The following SKP1 variants were observed in gnomAD, a reference collection of about 807,000 sequenced individuals.
The protein encoded by SKP1 is S-phase kinase associated protein 1, also known as S-phase kinase-associated protein 1.
Under a neutral mutation model 21.5 loss-of-function variants are expected in SKP1, and 1 was observed. The ratio of observed to expected loss-of-function variants is 0.05; its 90% CI spans 0.02 to 0.22. SKP1 has a LOEUF of 0.22. Ranked by LOEUF, SKP1 falls within the 10% of genes least tolerant of loss-of-function variation. SKP1 has a pLI of 1.00. For synonymous variants in SKP1, 59 were observed against 59.3 expected, an observed-to-expected ratio of 0.99 and a Z score of 0.03; for missense variants, 70 against 192.0, an observed-to-expected ratio of 0.36 and a Z score of 3.76.
intron 3 of SKP1, among the ~76,000 whole-genome samples, chr5:134,164,851 G>A (rs1256042430): frequency 1.3e-5 from 2 of 152,116 alleles, no homozygotes; most frequent in Non-Finnish European, 2.9e-5. Flanking sequence ...TTTGTTATGT[G>A]TATTTTACCA....
rs781011580 is a variant in SKP1, at chr5:134,156,503, G to C, written c.*1230C>G. 1 of 152,032 alleles carries C rather than the reference G, an allele frequency of 6.6e-6. No individual in the cohort carries two copies. Among genetic ancestry groups the C allele is most frequent in the Non-Finnish European group, 1.5e-5 (1 of 68,004 alleles). The allele number at this position is 152,032 out of a possible 1,614,324, so 9.4% of individuals were successfully genotyped here. On this transcript the variant is annotated 3_prime_UTR_variant, in exon 6 of 6. Transcript: ENST00000353411. Reference sequence around the variant, plus strand: ...ATGATCTGAGCCTGAACAACTCAGTGAATGTGAAGAGAAAACAAGATTACA... The same window carrying C: ...ATGATCTGAGCCTGAACAACTCAGTCAATGTGAAGAGAAAACAAGATTACA...
At chr5:134,168,471 G>C (rs1761376062) in intron 2 of SKP1, among the ~76,000 whole-genome samples, 1 of 151,946 alleles carries the variant, frequency 6.6e-6, no homozygotes, top group Non-Finnish European at 1.5e-5. Flanking sequence ...TTTTAAAGTA[G>C]GTTAAAAAAG....
chr5:134,149,948 C>G lies in SKP1; in HGVS notation c.*7785G>C, dbSNP rs1308889706. On this transcript the variant is annotated 3_prime_UTR_variant, in exon 6 of 6. Coordinates refer to ENST00000353411, the MANE Select transcript of SKP1 (RefSeq NM_170679.3). ...CCAGAGGGTGACTTGAGATTGCAAC[C>G]TCAAGTTCAACTGCTAATACCACAC... 1 of 152,056 alleles carries G rather than the reference C, an allele frequency of 6.6e-6. No homozygotes were observed. Among genetic ancestry groups the G allele is most frequent in the Non-Finnish European group, 1.5e-5 (1 of 68,034 alleles). 9.4% of individuals were successfully genotyped at this position (152,056 alleles called of 1,614,324 possible).
At chr5:134,174,377 A>T in intron 1 of SKP1, 2 of 406,598 alleles carry the variant, frequency 4.9e-6, no homozygotes, top group Non-Finnish European at 6.9e-6. Flanking sequence ...TGCCACAATT[A>T]ACTACATGCG....
chr5:134,164,322 GAAAAAAAAAA>G (rs55637997), intron 3 of SKP1, among the ~76,000 whole-genome samples: 30 of 122,120 alleles, frequency 2.5e-4, no homozygotes, highest in Admixed American at 6.9e-4. Context: ...TCCATCTCAA[GAAAAAAAAAA>G]AAAAAAAAAA....
At chr5:134,165,148 A>G (rs1224098567) in intron 3 of SKP1, among the ~76,000 whole-genome samples, 1 of 152,082 alleles carries the variant, frequency 6.6e-6, no homozygotes, top group African/African-American at 2.4e-5. Context: ...AAGTTCTGAA[A>G]ATGCTTAGTG....
At chr5:134,158,921 A>C (rs1403104784) in intron 4 of SKP1, among the ~76,000 whole-genome samples, 1 of 152,256 alleles carries the variant, frequency 6.6e-6, no homozygotes, top group Non-Finnish European at 1.5e-5. Context: ...GTCCACACTT[A>C]AAGAGTTCAA....
Position 134,157,708 on chromosome 5 carries a change from G to GT in SKP1, c.*24dup. On this transcript the variant is annotated 3_prime_UTR_variant, in exon 6 of 6. Transcript: ENST00000353411. ...ACTAGTATTTGGAACAATCCTTACA[G>GT]TGTTACAGTGTCAGGCACAACATTT... The GT allele has an allele frequency of 1.1e-5, 17 of 1,576,034 alleles. No homozygotes were observed. The highest frequency in any genetic ancestry group is 1.4e-5 in the Non-Finnish European group (16 of 1,145,788).
At chr5:134,166,697 A>G (rs1761339661) in intron 3 of SKP1, among the ~76,000 whole-genome samples, 1 of 152,130 alleles carries the variant, frequency 6.6e-6, no homozygotes, top group African/African-American at 2.4e-5. Context: ...ACTGGAATAG[A>G]TAAGGACAGA....
chr5:134,158,767 T>C (rs1029598492), intron 4 of SKP1, 172 bp from the exon 5 acceptor site: 7 of 634,322 alleles, frequency 1.1e-5, no homozygotes, highest in Admixed American at 5.6e-5. Flanking sequence ...TATGTGACCT[T>C]CTTTGTTATA....
At chr5:134,164,403 TA>T (rs1761289457) in intron 3 of SKP1, among the ~76,000 whole-genome samples, 3 of 151,226 alleles carry the variant, frequency 2.0e-5, no homozygotes, top group African/African-American at 7.3e-5. Flanking sequence ...TAAAAACAGC[TA>T]ACTGTTCACC....
chr5:134,160,196 A>T (rs1761194760), intron 4 of SKP1, among the ~76,000 whole-genome samples: 1 of 151,808 alleles, frequency 6.6e-6, no homozygotes, highest in African/African-American at 2.4e-5. Flanking sequence ...TCTCTACTAA[A>T]AATACAAAAA....
chr5:134,169,693 C>T (rs775621694), intron 2 of SKP1, among the ~76,000 whole-genome samples: 5 of 151,718 alleles, frequency 3.3e-5, no homozygotes, highest in East Asian at 1.9e-4. Flanking sequence ...GGTGAAACCC[C>T]GTTTCTACTA....
At chr5:134,176,242 G>A (rs1366056664) in intron 1 of SKP1, among the ~76,000 whole-genome samples, 1 of 152,206 alleles carries the variant, frequency 6.6e-6, no homozygotes, top group African/African-American at 2.4e-5. Context: ...ACAACGCTAA[G>A]AAATATTCAG....
intron 4 of SKP1, among the ~76,000 whole-genome samples, chr5:134,159,166 CCTCT>C (rs1444190432): frequency 6.6e-6 from 1 of 152,010 alleles, no homozygotes; most frequent in Non-Finnish European, 1.5e-5. Context: ...CATCAATTTC[CCTCT>C]AAGTACTTCT....
At chr5:134,161,233 G>T in intron 3 of SKP1, 103 bp from the exon 4 acceptor site, 1 of 1,023,848 alleles carries the variant, frequency 9.8e-7, no homozygotes, top group Non-Finnish European at 1.4e-6. Flanking sequence ...CTAGCTAGAG[G>T]TTGACTTGAG....
At position 134,167,503 on chromosome 5, in the gene SKP1, G is replaced by A. The variant is rs376370134; in HGVS notation, c.98-260C>T. 7.2e-5 allele frequency among the ~76,000 whole-genome samples: 11 copies of A among 151,934 alleles called. No individual in the cohort carries two copies. The South Asian group carries it at 1.0e-3, about 14-fold the overall frequency. On this transcript the variant is annotated intron_variant, in intron 2 of 5. Coordinates refer to ENST00000353411, the MANE Select transcript of SKP1 (RefSeq NM_170679.3). ...TTTGCATAGCATTTACATTGTATCC[G>A]GCATTGTAAGTAATCTAGAGAGGGG...
intron 4 of SKP1, among the ~76,000 whole-genome samples, chr5:134,159,783 G>A (rs1021339588): frequency 2.4e-4 from 37 of 151,924 alleles, no homozygotes; most frequent in Non-Finnish European, 4.7e-4. Flanking sequence ...TCCTGACCTC[G>A]TGATCCGCCC....
At chr5:134,158,345 C>A in intron 5 of SKP1, 110 bp downstream of exon 5, 9 of 1,594,492 alleles carry the variant, frequency 5.6e-6, no homozygotes, top group Non-Finnish European at 6.8e-6. Context: ...TACATATTAT[C>A]CCTAAAGTAT....
Sources: allele counts gnomAD v4.1 joint callset (sites outside exome capture counted in the v4.1 genomes callset), GRCh38; gene constraint gnomAD v4.1.1; transcripts MANE v1.5; gene names NCBI Gene and HGNC (gene_info 2026-07-23, HGNC 2026-07-21).